GSE1: variants seen among roughly 807,000 people sequenced by gnomAD.
The protein encoded by GSE1 is genetic suppressor element 1.
Under a neutral mutation model 112.6 loss-of-function variants are expected in GSE1, and 32 were observed. That is an observed-to-expected ratio of 0.28 (90% CI 0.21 to 0.38). GSE1 has a LOEUF of 0.38. Ranked by LOEUF, GSE1 falls within the 10% of genes least tolerant of loss-of-function variation. The pLI, the probability that GSE1 is intolerant of heterozygous loss-of-function variation, is 1.00. For synonymous variants in GSE1, 1,115 were observed against 735.6 expected (o/e 1.52, Z -8.35); for missense variants, 2,348 against 1,699.2 (o/e 1.38, Z -6.71).
chr16:85,273,843 C>T (rs537568854), intron 1 of GSE1, among the ~76,000 whole-genome samples: 5 of 151,334 alleles, frequency 3.3e-5, no homozygotes, highest in South Asian at 4.2e-4. Flanking sequence ...GTACCTGCCA[C>T]GACACTCGGC....
At chr16:85,553,166 A>G (rs868667671), upstream of GSE1, among the ~76,000 whole-genome samples, 2 of 147,732 alleles carry the variant, frequency 1.4e-5, no homozygotes, top group South Asian at 2.2e-4. Flanking sequence ...GGCACAGATC[A>G]TGCAGCTCGC....
intron 3 of GSE1, among the ~76,000 whole-genome samples, chr16:85,649,231 C>G (rs1052934306): frequency 6.6e-6 from 1 of 152,140 alleles, no homozygotes; most frequent in Non-Finnish European, 1.5e-5. Context: ...ACCGTGTCTC[C>G]AAATGCAGTT....
At chr16:85,540,108 TG>T (rs1427575757) in intron 2 of GSE1, among the ~76,000 whole-genome samples, 1 of 152,228 alleles carries the variant, frequency 6.6e-6, no homozygotes, top group Non-Finnish European at 1.5e-5. Context: ...GATTCTCGAC[TG>T]GGAAGTGTGG....
At chr16:85,185,883 G>A (rs1185094924) in intron 1 of GSE1, among the ~76,000 whole-genome samples, 1 of 152,234 alleles carries the variant, frequency 6.6e-6, no homozygotes, top group East Asian at 1.9e-4. Flanking sequence ...CCGTTGTCTA[G>A]GAGATGTTTA....
intron 2 of GSE1, among the ~76,000 whole-genome samples, chr16:85,477,720 C>T (rs185796452): frequency 6.6e-6 from 1 of 152,002 alleles, no homozygotes; most frequent in East Asian, 1.9e-4. Flanking sequence ...GCCACCATGC[C>T]CGGCTAATTT....
chr16:85,485,422 C>G (rs961688146), intron 2 of GSE1, among the ~76,000 whole-genome samples: 6 of 152,262 alleles, frequency 3.9e-5, no homozygotes, highest in African/African-American at 1.2e-4. Context: ...CTCCCCTGTG[C>G]CTTCACTTCT....
At chr16:85,499,792 G>GC (rs2051302595) in intron 2 of GSE1, among the ~76,000 whole-genome samples, 1 of 152,176 alleles carries the variant, frequency 6.6e-6, no homozygotes. Context: ...TGCTAGGTCA[G>GC]CCCCCAAACA....
intron 2 of GSE1, among the ~76,000 whole-genome samples, chr16:85,492,851 T>G (rs2051053688): frequency 6.6e-6 from 1 of 152,170 alleles, no homozygotes; most frequent in African/African-American, 2.4e-5. Context: ...GAGTATTTGC[T>G]GAGCATCTGC....
At chr16:85,342,761 G>A (rs544632502) in intron 1 of GSE1, among the ~76,000 whole-genome samples, 39 of 152,132 alleles carry the variant, frequency 2.6e-4, no homozygotes, top group African/African-American at 9.4e-4. Context: ...TCCCCAGCCC[G>A]GGACATCAGA....
At chr16:85,282,125 T>C (rs1268805568) in intron 1 of GSE1, among the ~76,000 whole-genome samples, 1 of 152,052 alleles carries the variant, frequency 6.6e-6, no homozygotes, top group African/African-American at 2.4e-5. Flanking sequence ...CCTCCTGGGT[T>C]CAAGTGATTC....
At chr16:85,197,009 G>T (rs966018983) in intron 1 of GSE1, among the ~76,000 whole-genome samples, 3 of 152,198 alleles carry the variant, frequency 2.0e-5, no homozygotes, top group African/African-American at 7.2e-5. Flanking sequence ...TGCTTATTTG[G>T]TGATCTCAGG....
At chr16:85,541,911 G>A (rs2044533422) in intron 2 of GSE1, among the ~76,000 whole-genome samples, 2 of 152,382 alleles carry the variant, frequency 1.3e-5, no homozygotes, top group South Asian at 4.1e-4. Context: ...GAGCATGAGG[G>A]AAGGCTGTCT....
chr16:85,289,686 A>G (rs1329981534), intron 1 of GSE1, among the ~76,000 whole-genome samples: 1 of 152,162 alleles, frequency 6.6e-6, no homozygotes, highest in African/African-American at 2.4e-5. Flanking sequence ...GAGGGTGCAG[A>G]GGACGGGGTA....
chr16:85,173,952 C>T (rs569154284), intron 1 of GSE1, among the ~76,000 whole-genome samples: 1 of 152,158 alleles, frequency 6.6e-6, no homozygotes, highest in Non-Finnish European at 1.5e-5. Context: ...CTTCTTATAT[C>T]ATTTTATAGA....
At chr16:85,501,852 C>T (rs1439721739) in intron 2 of GSE1, among the ~76,000 whole-genome samples, 1 of 152,254 alleles carries the variant, frequency 6.6e-6, no homozygotes, top group Non-Finnish European at 1.5e-5. Context: ...CTCCACCCCT[C>T]ATTCTACAAC....
At chr16:85,635,588 G>C (rs1254145710) in intron 2 of GSE1, among the ~76,000 whole-genome samples, 1 of 152,234 alleles carries the variant, frequency 6.6e-6, no homozygotes, top group Admixed American at 6.5e-5. Flanking sequence ...GCTCTCCTGA[G>C]AGGGGTGGAG....
chr16:85,242,913 G>A (rs1043419705), intron 1 of GSE1, among the ~76,000 whole-genome samples: 1 of 152,138 alleles, frequency 6.6e-6, no homozygotes, highest in Non-Finnish European at 1.5e-5. Flanking sequence ...TCGGGCTCAA[G>A]TGATCCTCCC....
At chr16:85,259,828 G>A (rs903199668) in intron 1 of GSE1, among the ~76,000 whole-genome samples, 4 of 152,226 alleles carry the variant, frequency 2.6e-5, no homozygotes, top group African/African-American at 9.6e-5. Flanking sequence ...TGGCACTGAG[G>A]GCTCAGGGAG....
At chr16:85,262,911 GC>G (rs1282248798) in intron 1 of GSE1, among the ~76,000 whole-genome samples, 1 of 152,224 alleles carries the variant, frequency 6.6e-6, no homozygotes, top group East Asian at 1.9e-4. Context: ...TGTATGCCAG[GC>G]CCCGTTCTAG....
Sources: gnomAD v4.1 joint callset for allele counts (sites outside exome capture counted in the v4.1 genomes callset) on GRCh38, gnomAD v4.1.1 for gene constraint, MANE v1.5 for transcripts, NCBI Gene and HGNC (gene_info 2026-07-23, HGNC 2026-07-21) for gene names.